Variants in ZFP36L1 observed in about 807,000 individuals in gnomAD.
The protein encoded by ZFP36L1 is ZFP36 like 1 zinc finger CCCH-type, also known as mRNA decay activator protein ZFP36L1.
A neutral mutation model predicts 16.7 loss-of-function variants in ZFP36L1; 4 were observed. That is an observed-to-expected ratio of 0.24 (90% CI 0.12 to 0.55). The LOEUF (loss-of-function observed/expected upper bound fraction) is 0.55. Ranked by LOEUF, ZFP36L1 falls within the 20% of genes least tolerant of loss-of-function variation. The pLI is 0.94. For synonymous variants in ZFP36L1, 220 were observed against 190.8 expected (o/e 1.15, Z -1.26); for missense variants, 311 against 449.2 (o/e 0.69, Z 2.78).
chr14:68,792,255 A>G (rs1895098880), intron 1 of ZFP36L1, among the ~76,000 whole-genome samples: 1 of 151,914 alleles, frequency 6.6e-6, no homozygotes, highest in African/African-American at 2.4e-5. Context: ...GTCAACCTGA[A>G]TGCCTCTTTC....
chr14:68,792,362 T>C (rs150608145), intron 1 of ZFP36L1, among the ~76,000 whole-genome samples: 1 of 152,254 alleles, frequency 6.6e-6, no homozygotes, highest in African/African-American at 2.4e-5. Context: ...TGCAACATCT[T>C]TTTGAATCAC....
Position 68,793,059 on chromosome 14 carries a change from T to G in ZFP36L1, c.-121A>C. The G allele has an allele frequency of 6.3e-7, 1 of 1,591,744 alleles. No individual in the cohort carries two copies. The highest frequency in any genetic ancestry group is 8.5e-7 in the Non-Finnish European group (1 of 1,172,972). Reference sequence around the variant, plus strand: ...GCCAGTTCCCGGCGCCCCTCGCCTTTCTGACTCCGGGCTGGGGCGCGCAAA... The same window carrying G: ...GCCAGTTCCCGGCGCCCCTCGCCTTGCTGACTCCGGGCTGGGGCGCGCAAA... On this transcript the variant is annotated 5_prime_UTR_variant, in exon 1 of 2. Coordinates refer to ENST00000439696, the MANE Select transcript of ZFP36L1 (RefSeq NM_004926.4).
chr14:68,796,069 C>A (rs756740184), upstream of ZFP36L1: 104 of 1,351,080 alleles, frequency 7.7e-5, no homozygotes, highest in Middle Eastern at 1.3e-3. Flanking sequence ...CTGGCCGCCG[C>A]CTCACCTGCA....
In ZFP36L1 at chr14:68,789,281, T is replaced by G; in HGVS notation, c.*252A>C. ...TATGGGACTTGTCTGTTATGCATGG[T>G]AAGTGGGCTATAAAATCCAGGGAGG... On this transcript the variant is annotated 3_prime_UTR_variant, in exon 2 of 2. Transcript: ENST00000439696. The surrounding 1 kb of genome is among the most constrained non-coding windows in gnomAD (Gnocchi z 4.5). 1 of 519,192 alleles carries G rather than the reference T, an allele frequency of 1.9e-6. No individual in the cohort carries two copies. Among genetic ancestry groups the G allele is most frequent in the East Asian group, 3.2e-5 (1 of 31,532 alleles). 32.2% of individuals were successfully genotyped at this position (519,192 alleles called of 1,614,324 possible). A position where few individuals can be genotyped will look rare whatever the true frequency, so the allele number is the denominator to read the frequency against.
chr14:68,795,977 C>A, upstream of ZFP36L1: 1 of 1,322,456 alleles, frequency 7.6e-7, no homozygotes, highest in South Asian at 1.2e-5. Context: ...GCAGGAAGGC[C>A]GAGGCGAGGC....
chr14:68,791,099 G>C (rs918580187), intron 1 of ZFP36L1: 6 of 698,618 alleles, frequency 8.6e-6, no homozygotes, highest in Non-Finnish European at 1.3e-5. Flanking sequence ...GTCTGAGGTT[G>C]GGGGAGACAG....
chr14:68,792,752 C>A, intron 1 of ZFP36L1, 130 bp downstream of exon 1: 1 of 1,318,180 alleles, frequency 7.6e-7, no homozygotes, highest in Non-Finnish European at 1.1e-6. Flanking sequence ...GGGAGAAATG[C>A]CGGAGGAGAA....
At chr14:68,795,997 C>T (rs769603319), upstream of ZFP36L1, 14 of 1,321,404 alleles carry the variant, frequency 1.1e-5, no homozygotes, top group African/African-American at 1.3e-4. Context: ...CGTGCGTGGC[C>T]GTCCCCCGCC....
chr14:68,791,993 G>A (rs960187464), intron 1 of ZFP36L1, among the ~76,000 whole-genome samples: 7 of 152,144 alleles, frequency 4.6e-5, no homozygotes. Flanking sequence ...AAATTGGGAG[G>A]GGGAGGTTGG....
rs1895001046 is a variant in ZFP36L1 at position 68,789,337 on chromosome 14, A to C, written c.*196T>G. On this transcript the variant is annotated 3_prime_UTR_variant, in exon 2 of 2. Coordinates refer to ENST00000439696, the MANE Select transcript of ZFP36L1 (RefSeq NM_004926.4). This position sits in a 1 kb window ranked among gnomAD's most constrained non-coding sequence, Gnocchi z 4.5. ...TCAAGCCAGAAGAAGCTACTGACAAATTGACTTGTCCTTATGTTAGGTGGG... is the reference window on the plus strand; with the variant it reads ...TCAAGCCAGAAGAAGCTACTGACAACTTGACTTGTCCTTATGTTAGGTGGG... 2.7e-6 allele frequency: 2 copies of C among 730,980 alleles called. No homozygotes were observed. Among genetic ancestry groups the C allele is most frequent in the Non-Finnish European group, 4.2e-6 (2 of 473,854 alleles). 45.3% of individuals were successfully genotyped at this position (730,980 alleles called of 1,614,324 possible).
chr14:68,791,081 G>C, intron 1 of ZFP36L1: 1 of 701,880 alleles, frequency 1.4e-6, no homozygotes, highest in East Asian at 2.7e-5. Flanking sequence ...GAGGAGATTG[G>C]GGGCCTGGTC....
intron 1 of ZFP36L1, 84 bp from the exon 2 acceptor site, chr14:68,790,576 A>C: frequency 6.5e-7 from 1 of 1,537,634 alleles, no homozygotes; most frequent in Non-Finnish European, 8.8e-7. Context: ...ACAATCACAA[A>C]CGCCCGCTCT....
rs1895010131 is a variant in ZFP36L1, at chr14:68,789,600, T to A, written c.950A>T (p.Asp317Val). 2 of 1,613,056 alleles carry A rather than the reference T, an allele frequency of 1.2e-6. No individual in the cohort carries two copies. Among genetic ancestry groups the A allele is most frequent in the Non-Finnish European group, 8.5e-7 (1 of 1,179,740 alleles). ...SSSSSSHSGS[D>V]SPTLDNSRRL... is the part of the protein sequence containing the mutation. ...TCTTGAGTTGTCCAAGGTCGGGGAG[T>A]CTGAGCCACTGTGGCTGCTGCTGGA... The change falls in exon 2 of 2, where the codon GAC (aspartate) becomes GTC (valine). Residue 317 changes from aspartate to valine, a missense_variant. By Grantham distance (152) the Asp-to-Val change is radical. This residue lies in a region of ZFP36L1 where 147 missense variants were observed against 192.0 expected (regional missense o/e 0.77). Coordinates refer to ENST00000439696, the MANE Select transcript of ZFP36L1 (RefSeq NM_004926.4). This position sits in a 1 kb window ranked among gnomAD's most constrained non-coding sequence, Gnocchi z 4.5.
chr14:68,790,624 C>T (rs190408838), intron 1 of ZFP36L1, 132 bp from the exon 2 acceptor site: 216 of 1,256,560 alleles, frequency 1.7e-4, no homozygotes, highest in Non-Finnish European at 2.1e-4. Context: ...CTCTAGCAAG[C>T]TCCCTTCCCT....
chr14:68,790,748 C>T (rs559362467), intron 1 of ZFP36L1, among the ~76,000 whole-genome samples: 15 of 152,238 alleles, frequency 9.9e-5, no homozygotes, highest in African/African-American at 3.6e-4. Flanking sequence ...TGCAATGCAA[C>T]CCCCATGTCC....
intron 1 of ZFP36L1, chr14:68,791,317 A>G: frequency 2.0e-6 from 1 of 498,144 alleles, no homozygotes; most frequent in East Asian, 3.3e-5. Context: ...TGCAGATGGA[A>G]AGGAAAAGGA....
At chr14:68,794,497 G>C (rs1443502887), upstream of ZFP36L1, 1 of 152,250 alleles carries the variant, frequency 6.6e-6, no homozygotes, top group African/African-American at 2.4e-5. Flanking sequence ...TGATGACCCA[G>C]GCGGAAGTCG....
chr14:68,792,760 G>A (rs563942391), intron 1 of ZFP36L1, 122 bp downstream of exon 1: 2 of 1,387,194 alleles, frequency 1.4e-6, no homozygotes, highest in African/African-American at 1.4e-5. Context: ...TGCCGGAGGA[G>A]AAAAGAATCA....
Position 68,793,054 on chromosome 14 carries a change from G to C in ZFP36L1, c.-116C>G. 1.3e-6 allele frequency: 2 copies of C among 1,593,336 alleles called. No homozygotes were observed. Among genetic ancestry groups the C allele is most frequent in the Non-Finnish European group, 1.7e-6 (2 of 1,173,656 alleles). ...CACACGCCAGTTCCCGGCGCCCCTC[G>C]CCTTTCTGACTCCGGGCTGGGGCGC... is the stretch of plus-strand genomic sequence containing the variant. On this transcript the variant is annotated 5_prime_UTR_variant, in exon 1 of 2. Transcript: ENST00000439696.
Sources: allele counts gnomAD v4.1 joint callset (sites outside exome capture counted in the v4.1 genomes callset), GRCh38; gene constraint gnomAD v4.1.1; regional missense constraint gnomAD v4.1.1; non-coding constraint Gnocchi (gnomAD v3.1); transcripts MANE v1.5; gene names NCBI Gene and HGNC (gene_info 2026-07-23, HGNC 2026-07-21).